Variants in ZNF804A observed in about 807,000 individuals in gnomAD.
ZNF804A encodes zinc finger protein 804A.
ZNF804A carries 2 observed loss-of-function variants against 16.5 expected under a neutral mutation model. That is an observed-to-expected ratio of 0.12 (90% CI 0.05 to 0.38). The LOEUF (loss-of-function observed/expected upper bound fraction) is 0.38, where lower values mean the gene tolerates loss of function less well. Ranked by LOEUF, ZNF804A falls within the 10% of genes least tolerant of loss-of-function variation. ZNF804A has a pLI of 0.99. For missense variants in ZNF804A, 1,473 were observed against 1,390.7 expected, an observed-to-expected ratio of 1.06 and a Z score of -0.94; for synonymous variants, 534 against 489.6, an observed-to-expected ratio of 1.09 and a Z score of -1.20.
At chr2:184,895,235 T>TGA (rs1201838390) in intron 2 of ZNF804A, among the ~76,000 whole-genome samples, 6 of 151,862 alleles carry the variant, frequency 4.0e-5, no homozygotes, top group Admixed American at 6.6e-5. Flanking sequence ...GGTGTGTGTG[T>TGA]GTGAGAGAGA....
intron 1 of ZNF804A, among the ~76,000 whole-genome samples, chr2:184,638,122 C>T (rs1380619405): frequency 6.6e-6 from 1 of 152,168 alleles, no homozygotes; most frequent in African/African-American, 2.4e-5. Context: ...CTCTGATCCT[C>T]CTCCTTGTGC....
At chr2:184,764,642 T>C (rs1240384803) in intron 1 of ZNF804A, among the ~76,000 whole-genome samples, 1 of 152,196 alleles carries the variant, frequency 6.6e-6, no homozygotes, top group Non-Finnish European at 1.5e-5. Context: ...CAACAATTTA[T>C]ACAGGCACAT....
intron 1 of ZNF804A, among the ~76,000 whole-genome samples, chr2:184,707,068 T>C (rs1197734590): frequency 6.6e-6 from 1 of 152,174 alleles, no homozygotes; most frequent in Admixed American, 6.6e-5. Flanking sequence ...AGGCTGCCAA[T>C]TGTCTACTGC....
At chr2:184,903,379 A>G (rs1266380965) in intron 2 of ZNF804A, among the ~76,000 whole-genome samples, 2 of 152,272 alleles carry the variant, frequency 1.3e-5, no homozygotes, top group Admixed American at 6.5e-5. Flanking sequence ...ATACACGTAT[A>G]CTTACCATTG....
chr2:184,911,411 C>A (rs867577264), intron 2 of ZNF804A, among the ~76,000 whole-genome samples: 1 of 152,132 alleles, frequency 6.6e-6, no homozygotes, highest in Middle Eastern at 3.4e-3. Flanking sequence ...CATGATACTT[C>A]TGGCTTCATA....
intron 1 of ZNF804A, among the ~76,000 whole-genome samples, chr2:184,743,223 C>A (rs187388868): frequency 2.0e-5 from 3 of 152,054 alleles, no homozygotes; most frequent in Admixed American, 6.6e-5. Context: ...TCATTATCCA[C>A]CCCACTTGAA....
chr2:184,789,615 G>T (rs1282751490), intron 1 of ZNF804A, among the ~76,000 whole-genome samples: 1 of 151,824 alleles, frequency 6.6e-6, no homozygotes, highest in Non-Finnish European at 1.5e-5. Context: ...TTTCTATTTT[G>T]TGTGCACAGA....
chr2:184,800,889 C>G (rs952185351), intron 1 of ZNF804A, among the ~76,000 whole-genome samples: 1 of 151,812 alleles, frequency 6.6e-6, no homozygotes, highest in African/African-American at 2.4e-5. Flanking sequence ...GAAAATATAT[C>G]TTTTATATTT....
chr2:184,831,063 T>A (rs967864798), intron 1 of ZNF804A, among the ~76,000 whole-genome samples: 7 of 152,102 alleles, frequency 4.6e-5, no homozygotes, highest in African/African-American at 1.7e-4. Context: ...CTGGTATATT[T>A]CATAAATTTT....
At chr2:184,926,284 AT>A (rs35842377) in intron 2 of ZNF804A, among the ~76,000 whole-genome samples, 12,614 of 150,064 alleles carry the variant, frequency 0.084, 1,739 homozygotes, top group African/African-American at 0.29. Flanking sequence ...TCTAGGGTAA[AT>A]TTTTTTTTTT....
rs1691002379 is a variant in ZNF804A at position 184,598,986 on chromosome 2, C to T, written c.27C>T (p.Ser9=). The change falls in exon 1 of 4, where the codon AGC becomes AGT. Residue 9 remains serine, a synonymous_variant. Transcript: ENST00000302277. MECYYIVI[S]STHLSNGHFR... ...TGGAGTGTTACTACATTGTCATCAGCTCCACGCATCTCAGCAACGGACACT... is the reference window on the plus strand; with the variant it reads ...TGGAGTGTTACTACATTGTCATCAGTTCCACGCATCTCAGCAACGGACACT... 1 of 1,613,742 alleles carries T rather than the reference C, an allele frequency of 6.2e-7. No homozygotes were observed.
chr2:184,727,231 T>A (rs1693428004), intron 1 of ZNF804A, among the ~76,000 whole-genome samples: 1 of 151,598 alleles, frequency 6.6e-6, no homozygotes, highest in Non-Finnish European at 1.5e-5. Flanking sequence ...CACATTAACC[T>A]TTCTCACAGA....
intron 1 of ZNF804A, among the ~76,000 whole-genome samples, chr2:184,710,371 G>A (rs1488560098): frequency 6.6e-6 from 1 of 151,346 alleles, no homozygotes; most frequent in African/African-American, 2.4e-5. Context: ...CTGTTGAATT[G>A]TTTGCTTCTT....
intron 1 of ZNF804A, among the ~76,000 whole-genome samples, chr2:184,818,425 G>A (rs923860683): frequency 2.6e-5 from 4 of 151,348 alleles, no homozygotes; most frequent in Non-Finnish European, 5.9e-5. Flanking sequence ...ATATGGAAAG[G>A]AAAAACCATT....
At chr2:184,717,966 C>T (rs972984250) in intron 1 of ZNF804A, among the ~76,000 whole-genome samples, 17 of 152,066 alleles carry the variant, frequency 1.1e-4, no homozygotes, top group African/African-American at 3.6e-4. Flanking sequence ...AAATTCTAGC[C>T]AGGACAATCA....
At position 184,743,941 on chromosome 2, in the gene ZNF804A, T is replaced by C. The variant is rs575037449; in HGVS notation, c.112-122428T>C. Among the ~76,000 whole-genome samples, 21 of 152,074 alleles carry C rather than the reference T, an allele frequency of 1.4e-4. No homozygotes were observed. The South Asian group carries it at 3.9e-3, about 29-fold the overall frequency. On this transcript the variant is annotated intron_variant, in intron 1 of 3. Coordinates refer to ENST00000302277, the MANE Select transcript of ZNF804A (RefSeq NM_194250.2). ...AAGAAGTAATTAGCTGCCTAGAGAA[T>C]CCTGTAAGTAATGTGTGGTCATCAT...
intron 1 of ZNF804A, among the ~76,000 whole-genome samples, chr2:184,845,384 GTAA>G (rs1695496186): frequency 6.6e-6 from 1 of 152,068 alleles, no homozygotes; most frequent in African/African-American, 2.4e-5. Context: ...TGCTATGACT[GTAA>G]TAATTGTTTC....
chr2:184,730,814 A>G (rs1693501230), intron 1 of ZNF804A, among the ~76,000 whole-genome samples: 1 of 149,936 alleles, frequency 6.7e-6, no homozygotes, highest in African/African-American at 2.5e-5. Context: ...TTTGGCAATC[A>G]TGAATAAACC....
rs558390542 is a variant in ZNF804A at position 184,860,490 on chromosome 2, T to G, written c.112-5879T>G. ...GCTGAGTTTTCAAGTGATGACCTAA[T>G]GACTAGGGCTGCAGGGGCCAGTGTG... On this transcript the variant is annotated intron_variant, in intron 1 of 3. Transcript: ENST00000302277. Among the ~76,000 whole-genome samples, 22 of 152,340 alleles carry G rather than the reference T, an allele frequency of 1.4e-4. 1 individual carries two copies. The highest frequency in any genetic ancestry group is 4.1e-4 in the African/African-American group (17 of 41,590).
Sources: allele counts gnomAD v4.1 joint callset (sites outside exome capture counted in the v4.1 genomes callset), GRCh38; gene constraint gnomAD v4.1.1; transcripts MANE v1.5; gene names NCBI Gene and HGNC (gene_info 2026-07-23, HGNC 2026-07-21).